The following NBEAL1 variants were observed in gnomAD, a reference collection of about 807,000 sequenced individuals.
The protein encoded by NBEAL1 is neurobeachin-like protein 1.
In NBEAL1, 273 loss-of-function variants were observed where a neutral mutation model predicts 351.3. The observed-to-expected ratio is 0.78, with a 90% CI of 0.70 to 0.86. The LOEUF (loss-of-function observed/expected upper bound fraction) is 0.86, where lower values mean the gene tolerates loss of function less well. NBEAL1 is among the 40% of genes least tolerant of loss of function. NBEAL1 has a pLI of 0.00. For missense variants in NBEAL1, 2,961 were observed against 3,201.3 expected, an observed-to-expected ratio of 0.92 and a Z score of 1.81; for synonymous variants, 1,050 against 1,086.4, an observed-to-expected ratio of 0.97 and a Z score of 0.66.
intron 17 of NBEAL1, among the ~76,000 whole-genome samples, 186 bp downstream of exon 17, chr2:203,113,504 T>A (rs1444169755): frequency 2.6e-5 from 4 of 152,330 alleles, no homozygotes; most frequent in African/African-American, 9.6e-5. Context: ...CTAATAGTTT[T>A]TGTTTTGTAG....
At chr2:203,114,729 A>G (rs976589885) in intron 17 of NBEAL1, among the ~76,000 whole-genome samples, 1 of 151,822 alleles carries the variant, frequency 6.6e-6, no homozygotes, top group Non-Finnish European at 1.5e-5. Context: ...TTAGAACCTT[A>G]TCTTTTCTTT....
At chr2:203,076,230 C>T (rs1271664074) in intron 7 of NBEAL1, among the ~76,000 whole-genome samples, 6 of 152,074 alleles carry the variant, frequency 3.9e-5, no homozygotes, top group Admixed American at 3.9e-4. Flanking sequence ...CCCTTGTACT[C>T]CCAGCACTTC....
chr2:203,136,853 TA>T (rs1310191348), intron 29 of NBEAL1, 79 bp downstream of exon 29: 4 of 1,236,110 alleles, frequency 3.2e-6, no homozygotes, highest in Non-Finnish European at 4.6e-6. Context: ...ATTGAACATT[TA>T]TTCAGTATTC....
In NBEAL1 at chr2:203,221,714, TGTA is replaced by T. The variant is rs1409399736; in HGVS notation, c.*4361_*4363del. On this transcript the variant is annotated 3_prime_UTR_variant, in exon 56 of 56. Coordinates refer to ENST00000683969, the MANE Select transcript of NBEAL1 (RefSeq NM_001378026.1). ...TATTCTTTTTGCTGAATTCGTATAT[TGTA>T]TATGCTCAACATATTATTTGTTTTA... Among the ~76,000 whole-genome samples the T allele has an allele frequency of 6.6e-6, 1 of 152,234 alleles. No individual in the cohort carries two copies. Among genetic ancestry groups the T allele is most frequent in the African/African-American group, 2.4e-5 (1 of 41,464 alleles).
chr2:203,066,727 C>T (rs973403258), intron 6 of NBEAL1, among the ~76,000 whole-genome samples: 22 of 149,800 alleles, frequency 1.5e-4, no homozygotes, highest in African/African-American at 5.2e-4. Context: ...GCACACTTCA[C>T]CTACCAGACG....
intron 36 of NBEAL1, among the ~76,000 whole-genome samples, chr2:203,161,543 T>C (rs1420147819): frequency 6.6e-6 from 1 of 150,748 alleles, no homozygotes; most frequent in Non-Finnish European, 1.5e-5. Context: ...GCAGGAGAAT[T>C]GCTCCAACTC....
intron 24 of NBEAL1, 27 bp from the exon 25 acceptor site, chr2:203,130,291 T>C (rs1297284845): frequency 6.6e-7 from 1 of 1,507,460 alleles, no homozygotes; most frequent in Non-Finnish European, 8.8e-7. Context: ...ATGTGGTGGT[T>C]TGTTTTGTGT....
intron 54 of NBEAL1, 117 bp from the exon 55 acceptor site, chr2:203,213,401 A>G: frequency 1.1e-6 from 1 of 923,938 alleles, no homozygotes; most frequent in Non-Finnish European, 1.6e-6. Flanking sequence ...AAGTTCCCAC[A>G]TCTGTAAAAT....
chr2:203,186,478 C>A (rs1376396795), intron 44 of NBEAL1, among the ~76,000 whole-genome samples: 1 of 152,120 alleles, frequency 6.6e-6, no homozygotes, highest in Admixed American at 6.5e-5. Context: ...TGTTTTATAG[C>A]AATTCAGAAT....
chr2:203,055,856 C>T (rs2061394603), intron 4 of NBEAL1, among the ~76,000 whole-genome samples: 1 of 152,170 alleles, frequency 6.6e-6, no homozygotes, highest in Admixed American at 6.5e-5. Context: ...TATGAACCCA[C>T]TGCTTTAAAC....
intron 36 of NBEAL1, among the ~76,000 whole-genome samples, chr2:203,164,643 A>T (rs954655077): frequency 1.1e-4 from 17 of 152,084 alleles, no homozygotes; most frequent in Non-Finnish European, 1.6e-4. Context: ...ATTATTTTTT[A>T]AAAAAAGAAA....
intron 27 of NBEAL1, among the ~76,000 whole-genome samples, chr2:203,135,014 A>T (rs2063166259): frequency 6.6e-6 from 1 of 152,066 alleles, no homozygotes; most frequent in African/African-American, 2.4e-5. Context: ...TGTCTGTACT[A>T]AAAATACAAA....
intron 17 of NBEAL1, among the ~76,000 whole-genome samples, chr2:203,114,259 T>G (rs1310238558): frequency 6.6e-6 from 1 of 152,194 alleles, no homozygotes; most frequent in Non-Finnish European, 1.5e-5. Flanking sequence ...ATAGGAAGTT[T>G]AGGGGGACAT....
At chr2:203,097,661 A>C (rs551481546) in intron 11 of NBEAL1, 28 bp downstream of exon 11, 264 of 937,140 alleles carry the variant, frequency 2.8e-4, no homozygotes, top group Admixed American at 3.7e-4. Context: ...ATCTTGTTTC[A>C]GCTGAAGTCC....
rs570340693 is a variant in NBEAL1 at position 203,110,210 on chromosome 2, C to T, written c.2010C>T (p.Val670=). 69 of 1,553,536 alleles carry T rather than the reference C, an allele frequency of 4.4e-5. No individual in the cohort carries two copies. In the South Asian group the frequency reaches 6.3e-4, roughly 14 times the overall value. ...TTATTACCCATTCAGGTATGTTGGT[C>T]GTGGCAGTGTGCACAAAAAGAGAAT... The part of the protein sequence containing the change: ...EAFITHSGML[V]VAVCTKREYA... Residue 670 remains valine, a synonymous_variant, in exon 15 of 56, where the codon GTC becomes GTT. Coordinates refer to ENST00000683969, the MANE Select transcript of NBEAL1 (RefSeq NM_001378026.1).
chr2:203,070,736 CT>C (rs1018095518), intron 7 of NBEAL1, among the ~76,000 whole-genome samples: 3 of 152,088 alleles, frequency 2.0e-5, no homozygotes, highest in African/African-American at 7.2e-5. Flanking sequence ...GTGCTATAAA[CT>C]TTTAAATGAC....
intron 44 of NBEAL1, among the ~76,000 whole-genome samples, chr2:203,184,074 TAAAAAAAAAAAAAA>T (rs1170251389): frequency 2.3e-5 from 2 of 88,010 alleles, no homozygotes; most frequent in Admixed American, 1.4e-4. Flanking sequence ...CGAGACTGTC[TAAAAAAAAAAAAAA>T]AAAAAAAAAA....
chr2:203,057,271 A>G (rs2061419913), intron 5 of NBEAL1, 55 bp from the exon 6 acceptor site: 1 of 1,463,584 alleles, frequency 6.8e-7, no homozygotes, highest in Non-Finnish European at 9.3e-7. Context: ...CAAATGACTT[A>G]TTGTTAGATG....
chr2:203,088,237 A>T (rs757240184), intron 10 of NBEAL1, among the ~76,000 whole-genome samples: 2 of 152,240 alleles, frequency 1.3e-5, no homozygotes, highest in Non-Finnish European at 2.9e-5. Context: ...GAATATGATT[A>T]ATTTGAAAAT....
Sources: gnomAD v4.1 joint callset for allele counts (sites outside exome capture counted in the v4.1 genomes callset) on GRCh38, gnomAD v4.1.1 for gene constraint, MANE v1.5 for transcripts, NCBI Gene and HGNC (gene_info 2026-07-23, HGNC 2026-07-21) for gene names.